Variants in TRPM8 observed in about 807,000 individuals in gnomAD.
TRPM8 encodes transient receptor potential cation channel subfamily M member 8, also known as TRPM8 cationic channel.
TRPM8 carries 110 observed loss-of-function variants against 133.7 expected under a neutral mutation model. That is an observed-to-expected ratio of 0.82 (90% CI 0.70 to 0.96). The LOEUF (loss-of-function observed/expected upper bound fraction) is 0.96. TRPM8 is among the 40% of genes least tolerant of loss of function. The probability of loss-of-function intolerance (pLI) is 0.00; values close to 1 mark genes in which losing one functional copy is unlikely to be tolerated. For synonymous variants in TRPM8, 535 were observed against 532.3 expected (o/e 1.01, Z -0.07); for missense variants, 1,291 against 1,379.5 (o/e 0.94, Z 1.02).
intron 6 of TRPM8, among the ~76,000 whole-genome samples, chr2:233,945,578 G>T (rs568889918): frequency 3.1e-4 from 47 of 152,160 alleles, no homozygotes; most frequent in Non-Finnish European, 5.4e-4. Flanking sequence ...ACAGGGCAAT[G>T]AACCAAGAAT....
intron 2 of TRPM8, among the ~76,000 whole-genome samples, chr2:233,927,804 C>CT (rs1691571968): frequency 1.2e-4 from 5 of 43,340 alleles, no homozygotes; most frequent in Admixed American, 4.8e-4. Flanking sequence ...TCTTTCCTTC[C>CT]TTCCTTCCTT....
intron 14 of TRPM8, 152 bp downstream of exon 14, chr2:233,964,909 C>A: frequency 4.2e-6 from 3 of 717,380 alleles, no homozygotes; most frequent in Non-Finnish European, 6.3e-6. Flanking sequence ...GGTCTGGATG[C>A]GACAATCTCC....
Position 233,939,028 on chromosome 2 carries a change from G to A in TRPM8, c.379G>A (p.Glu127Lys). Residue 127 changes from glutamate to lysine, a missense_variant, in exon 5 of 26, where the codon GAA becomes AAA. This residue lies in a region of TRPM8 where 963 missense variants were observed against 968.9 expected (regional missense o/e 0.99). Coordinates refer to ENST00000324695, the MANE Select transcript of TRPM8 (RefSeq NM_024080.5). ...ACGTCTGTCCTGCGACACGGACGCG[G>A]AAATCCTTTACGAGCTGCTGACCCA... ...YIRLSCDTDA[E>K]ILYELLTQHW... The A allele has an allele frequency of 6.2e-7, 1 of 1,614,184 alleles. No homozygotes were observed. Among genetic ancestry groups the A allele is most frequent in the East Asian group, 2.2e-5 (1 of 44,872 alleles).
At position 233,966,673 on chromosome 2, in the gene TRPM8, G is replaced by A. The variant is rs142251315; in HGVS notation, c.1943G>A (p.Cys648Tyr). Residue 648 changes from cysteine (C) to tyrosine (Y), a missense_variant, in exon 15 of 26, where the codon TGT becomes TAT. Cys to Tyr is a radical substitution (Grantham distance 194). Around this residue, in one of 2 missense-constraint regions of TRPM8, gnomAD observed 963 missense variants for 968.9 expected, o/e 0.99. Coordinates refer to ENST00000324695, the MANE Select transcript of TRPM8 (RefSeq NM_024080.5). ...DLAEQLLVYS[C>Y]EAWGGSNCLE... The stretch of plus-strand genomic sequence containing the variant: ...GCAGAACAGCTGCTGGTCTATTCCT[G>A]TGAAGCTTGGGGTGGAAGCAACTGT... 20 of 1,613,914 alleles carry A rather than the reference G, an allele frequency of 1.2e-5. No homozygotes were observed. Among genetic ancestry groups the A allele is most frequent in the Non-Finnish European group, 1.7e-5 (20 of 1,179,974 alleles).
At chr2:233,972,947 A>C (rs971691574) in intron 17 of TRPM8, among the ~76,000 whole-genome samples, 3 of 152,228 alleles carry the variant, frequency 2.0e-5, no homozygotes, top group African/African-American at 7.2e-5. Context: ...GGGCTCCTCA[A>C]GTGCCGCCAA....
At chr2:233,970,481 T>C in intron 17 of TRPM8, 55 bp downstream of exon 17, 6 of 1,524,272 alleles carry the variant, frequency 3.9e-6, no homozygotes, top group Non-Finnish European at 5.5e-6. Flanking sequence ...GAGGCATCTT[T>C]CTAAAGCCAA....
Position 233,943,043 on chromosome 2 carries a change from C to A in TRPM8, c.699+295C>A. On this transcript the variant is annotated intron_variant, in intron 6 of 25. Coordinates refer to ENST00000324695, the MANE Select transcript of TRPM8 (RefSeq NM_024080.5). ...AACTATGGCTTACATCCATCTCAGG[C>A]GGGCTCAAAGCCAACTGCAGTATCT... 5 of 368,788 alleles carry A rather than the reference C, an allele frequency of 1.4e-5. No individual in the cohort carries two copies. The South Asian group carries it at 1.4e-4, about 11-fold the overall frequency. 22.8% of individuals were successfully genotyped at this position (368,788 alleles called of 1,614,324 possible). A position where few individuals can be genotyped will look rare whatever the true frequency, so the allele number is the denominator to read the frequency against.
At chr2:234,002,393 C>T (rs1692592170) in intron 22 of TRPM8, among the ~76,000 whole-genome samples, 1 of 152,014 alleles carries the variant, frequency 6.6e-6, no homozygotes, top group Non-Finnish European at 1.5e-5. Context: ...ACAGTGAATC[C>T]CAGAGGAAGG....
chr2:233,957,624 T>A (rs959887469), intron 11 of TRPM8, among the ~76,000 whole-genome samples: 1 of 152,182 alleles, frequency 6.6e-6, no homozygotes, highest in South Asian at 2.1e-4. Flanking sequence ...TCAAAAGATA[T>A]CATTTTTTAA....
At chr2:233,975,972 T>G (rs1470278304) in intron 17 of TRPM8, among the ~76,000 whole-genome samples, 1 of 152,224 alleles carries the variant, frequency 6.6e-6, no homozygotes, top group African/African-American at 2.4e-5. Flanking sequence ...GGACTTGTTC[T>G]GGGTTGCTTT....
chr2:233,977,036 G>C (rs929569380), intron 17 of TRPM8, among the ~76,000 whole-genome samples: 3 of 152,178 alleles, frequency 2.0e-5, no homozygotes, highest in African/African-American at 7.2e-5. Flanking sequence ...ACCTGATTTA[G>C]ATTGTGTCTG....
At chr2:233,949,488 ACAT>A (rs949416026) in intron 8 of TRPM8, among the ~76,000 whole-genome samples, 4 of 152,210 alleles carry the variant, frequency 2.6e-5, no homozygotes, top group Admixed American at 2.6e-4. Flanking sequence ...ATGTGAGTAA[ACAT>A]CACATAAAAC....
intron 8 of TRPM8, 84 bp from the exon 9 acceptor site, chr2:233,949,865 C>G (rs1438520086): frequency 7.6e-7 from 1 of 1,318,124 alleles, no homozygotes; most frequent in African/African-American, 1.5e-5. Context: ...TGTGTTTCCT[C>G]CAGCTTGGCT....
intron 24 of TRPM8, chr2:234,013,128 C>G (rs796316997): frequency 8.5e-5 from 13 of 152,270 alleles, no homozygotes; most frequent in African/African-American, 3.1e-4. Flanking sequence ...AAGAACAATG[C>G]TGGCCTCACA....
At position 233,960,861 on chromosome 2, in the gene TRPM8, A is replaced by G. The variant is rs767515826; in HGVS notation, c.1448A>G (p.Asn483Ser). 2 of 1,614,180 alleles carry G rather than the reference A, an allele frequency of 1.2e-6. No individual in the cohort carries two copies. The highest frequency in any genetic ancestry group is 1.3e-5 in the African/African-American group (1 of 75,024). The change falls in exon 12 of 26, where the codon AAC becomes AGC. Residue 483 changes from asparagine (N) to serine (S), a missense_variant. Asn to Ser is a conservative substitution (Grantham distance 46, BLOSUM62 1). This residue lies in a region of TRPM8 where 963 missense variants were observed against 968.9 expected (regional missense o/e 0.99). Coordinates refer to ENST00000324695, the MANE Select transcript of TRPM8 (RefSeq NM_024080.5). ...CGCCTCTTTCTGGAGAATGGCTTGA[A>G]CCTACGGAAGTTTCTCACCCATGAT... is the stretch of plus-strand genomic sequence containing the variant. Reference protein sequence around the residue: ...FVRLFLENGLNLRKFLTHDVL... With the variant: ...FVRLFLENGLSLRKFLTHDVL...
chr2:233,946,135 C>A, intron 7 of TRPM8, 105 bp downstream of exon 7: 1 of 1,097,640 alleles, frequency 9.1e-7, no homozygotes. Flanking sequence ...AGAAACACAC[C>A]TGATCAGGTA....
At position 233,953,898 on chromosome 2, in the gene TRPM8, T is replaced by C. The variant is rs200816728; in HGVS notation, c.1141-19T>C. ...GCCTAAAATCTGTTGGCTGACACTT[T>C]GTTCTTTAATTTCGCCAGCTCAAAG... is the stretch of plus-strand genomic sequence containing the variant. On this transcript the variant is annotated intron_variant, in intron 9 of 25. Coordinates refer to ENST00000324695, the MANE Select transcript of TRPM8 (RefSeq NM_024080.5). The C allele has an allele frequency of 4.3e-5, 69 of 1,598,752 alleles. No homozygotes were observed. The highest frequency in any genetic ancestry group is 5.5e-5 in the Non-Finnish European group (64 of 1,169,464).
Position 233,964,748 on chromosome 2 carries a change from C to G in TRPM8, c.1870C>G (p.Arg624Gly), listed in dbSNP as rs772095577. ...GGAGCTGGCTAATGAGTACGAGACCCGGGCTGTTGGTGAGTCCACAGTGTG... is the reference window on the plus strand; with the variant it reads ...GGAGCTGGCTAATGAGTACGAGACCGGGGCTGTTGGTGAGTCCACAGTGTG... ...SEELANEYET[R>G]AVELFTECYS... The change falls in exon 14 of 26, where the codon CGG becomes GGG. Residue 624 changes from arginine to glycine, a missense_variant. Around this residue, in one of 2 missense-constraint regions of TRPM8, gnomAD observed 963 missense variants for 968.9 expected, o/e 0.99. Transcript: ENST00000324695. 7 of 1,610,864 alleles carry G rather than the reference C, an allele frequency of 4.3e-6. No individual in the cohort carries two copies. The highest frequency in any genetic ancestry group is 1.3e-5 in the African/African-American group (1 of 74,816).
At position 233,982,061 on chromosome 2, in the gene TRPM8, G is replaced by A. The variant is rs1029079745; in HGVS notation, c.2589+146G>A. 1.5e-5 allele frequency: 13 copies of A among 894,044 alleles called. 1 individual carries two copies. The highest frequency in any genetic ancestry group is 1.5e-5 in the Non-Finnish European group (9 of 620,420). The allele number at this position is 894,044 out of a possible 1,614,324, so 55.4% of individuals were successfully genotyped here. On this transcript the variant is annotated intron_variant, in intron 19 of 25. Transcript: ENST00000324695. ...CTTTCTTTGATGTATTTCATCAGGG[G>A]CCTCTCCCAGGTTAAAATTTAATGA... is the stretch of plus-strand genomic sequence containing the variant.
Sources: gnomAD v4.1 joint callset for allele counts (sites outside exome capture counted in the v4.1 genomes callset) on GRCh38, gnomAD v4.1.1 for gene constraint, gnomAD v4.1.1 regional missense constraint, MANE v1.5 for transcripts, NCBI Gene and HGNC (gene_info 2026-07-23, HGNC 2026-07-21) for gene names.